Variants in FAM117B observed in about 807,000 individuals in gnomAD.
FAM117B encodes protein FAM117B.
In FAM117B, 22 loss-of-function variants were observed where a neutral mutation model predicts 52.8. The observed-to-expected ratio is 0.42, with a 90% CI of 0.30 to 0.59. FAM117B has a LOEUF of 0.59. FAM117B is among the 20% of genes least tolerant of loss of function. FAM117B has a pLI of 0.22. For missense variants in FAM117B, 678 were observed against 802.6 expected, an observed-to-expected ratio of 0.84 and a Z score of 1.88; for synonymous variants, 309 against 324.1, an observed-to-expected ratio of 0.95 and a Z score of 0.50.
At chr2:202,724,724 G>A (rs1177998698) in intron 2 of FAM117B, among the ~76,000 whole-genome samples, 193 bp from the exon 3 acceptor site, 2 of 152,066 alleles carry the variant, frequency 1.3e-5, no homozygotes, top group Non-Finnish European at 2.9e-5. Context: ...TAAAAATGAA[G>A]TATGCCAAAA....
chr2:202,648,853 C>G (rs945356497), intron 1 of FAM117B, among the ~76,000 whole-genome samples: 1 of 151,802 alleles, frequency 6.6e-6, no homozygotes, highest in African/African-American at 2.4e-5. Context: ...CCTCTGACTC[C>G]CGGGTTCAGG....
intron 1 of FAM117B, among the ~76,000 whole-genome samples, chr2:202,657,358 G>A (rs879848151): frequency 3.3e-5 from 5 of 152,162 alleles, no homozygotes; most frequent in African/African-American, 1.2e-4. Flanking sequence ...AAAGTGCTGG[G>A]ATTACAGGGG....
intron 1 of FAM117B, among the ~76,000 whole-genome samples, chr2:202,650,482 G>T (rs949030324): frequency 6.6e-6 from 1 of 152,114 alleles, no homozygotes; most frequent in African/African-American, 2.4e-5. Flanking sequence ...ATGTATTAGG[G>T]TTATCTAGAG....
intron 4 of FAM117B, among the ~76,000 whole-genome samples, chr2:202,727,541 A>T (rs987474003): frequency 6.6e-6 from 1 of 152,090 alleles, no homozygotes; most frequent in South Asian, 2.1e-4. Context: ...AATTAAAAGT[A>T]CAAATAAAAA....
chr2:202,728,777 T>G (rs986226406), intron 4 of FAM117B, among the ~76,000 whole-genome samples: 1 of 152,214 alleles, frequency 6.6e-6, no homozygotes, highest in Non-Finnish European at 1.5e-5. Flanking sequence ...AATTTTCATT[T>G]TTTTCTTCTT....
At chr2:202,715,294 G>T (rs1208066739) in intron 2 of FAM117B, among the ~76,000 whole-genome samples, 1 of 151,728 alleles carries the variant, frequency 6.6e-6, no homozygotes, top group African/African-American at 2.4e-5. Flanking sequence ...CGGCTGGCCT[G>T]GCGGGGGCTG....
intron 1 of FAM117B, among the ~76,000 whole-genome samples, chr2:202,646,485 T>C (rs969712055): frequency 6.6e-6 from 1 of 152,214 alleles, no homozygotes; most frequent in Non-Finnish European, 1.5e-5. Flanking sequence ...CTCAGTATCA[T>C]GCCTAAGGAT....
rs192169179 is a variant in FAM117B at position 202,707,100 on chromosome 2, G to T, written c.753+11068G>T. 4.7e-3 allele frequency among the ~76,000 whole-genome samples: 722 copies of T among 152,126 alleles called. 5 individuals are homozygous for T. Among genetic ancestry groups the T allele is most frequent in the African/African-American group, 0.016 (680 of 41,494 alleles). On this transcript the variant is annotated intron_variant, in intron 2 of 7. Transcript: ENST00000392238. ...TGCTTGTCACCAGCTGGAGTGCAGT[G>T]CCATGATTGTGGCTCACTGCAGCCT...
chr2:202,657,030 T>A (rs1015974832), intron 1 of FAM117B, among the ~76,000 whole-genome samples: 2 of 152,150 alleles, frequency 1.3e-5, no homozygotes, highest in African/African-American at 4.8e-5. Flanking sequence ...TTGTTGTATT[T>A]AAAGGGATGT....
At chr2:202,637,843 C>T (rs1005100517) in intron 1 of FAM117B, among the ~76,000 whole-genome samples, 1 of 150,864 alleles carries the variant, frequency 6.6e-6, no homozygotes, top group South Asian at 2.1e-4. Context: ...ATATATAGCA[C>T]ACCAAAATTA....
chr2:202,722,007 ATTTTTTT>A (rs57678317), intron 2 of FAM117B, among the ~76,000 whole-genome samples: 19 of 128,600 alleles, frequency 1.5e-4, no homozygotes, highest in Non-Finnish European at 2.6e-4. Flanking sequence ...TAAAGATACA[ATTTTTTT>A]TTTTTTTTTT....
intron 4 of FAM117B, among the ~76,000 whole-genome samples, chr2:202,741,886 A>G (rs552177709): frequency 6.6e-6 from 1 of 152,278 alleles, no homozygotes; most frequent in East Asian, 1.9e-4. Context: ...TAAAATCAAT[A>G]CCATTTATAT....
At chr2:202,744,751 A>G (rs919705619) in intron 4 of FAM117B, among the ~76,000 whole-genome samples, 1 of 151,768 alleles carries the variant, frequency 6.6e-6, no homozygotes, top group Non-Finnish European at 1.5e-5. Flanking sequence ...AGGTGGGCAG[A>G]TCACCTGAGA....
chr2:202,700,663 A>T (rs1457774854), intron 2 of FAM117B, among the ~76,000 whole-genome samples: 3 of 152,066 alleles, frequency 2.0e-5, no homozygotes, highest in African/African-American at 7.3e-5. Context: ...ATTACTGTTG[A>T]AGATGGCTAC....
intron 1 of FAM117B, among the ~76,000 whole-genome samples, chr2:202,677,287 C>T (rs953581257): frequency 6.6e-6 from 1 of 151,794 alleles, no homozygotes. Context: ...AGGATGGTCT[C>T]GATCTCCTGA....
chr2:202,767,009 C>T lies in FAM117B; in HGVS notation c.*1245C>T, dbSNP rs1183611710. The T allele has an allele frequency of 6.6e-6, 1 of 152,556 alleles. No individual in the cohort carries two copies. The highest frequency in any genetic ancestry group is 1.5e-5 in the Non-Finnish European group (1 of 68,028). 9.5% of individuals were successfully genotyped at this position (152,556 alleles called of 1,614,324 possible). A position where few individuals can be genotyped will look rare whatever the true frequency, so the allele number is the denominator to read the frequency against. On this transcript the variant is annotated 3_prime_UTR_variant, in exon 8 of 8. Coordinates refer to ENST00000392238, the MANE Select transcript of FAM117B (RefSeq NM_173511.4). ...AACGCTTCACATAGTGGGGAAAATA[C>T]ACAAGAAGAACTTGAGTATGAACGA... is the stretch of plus-strand genomic sequence containing the variant.
intron 1 of FAM117B, among the ~76,000 whole-genome samples, chr2:202,679,521 GCT>G (rs1190973969): frequency 6.6e-6 from 1 of 152,190 alleles, no homozygotes; most frequent in Admixed American, 6.5e-5. Flanking sequence ...TGACTGAGGA[GCT>G]CTATGTTAAG....
intron 1 of FAM117B, among the ~76,000 whole-genome samples, chr2:202,670,647 G>A (rs1265038360): frequency 6.6e-6 from 1 of 152,136 alleles, no homozygotes; most frequent in Non-Finnish European, 1.5e-5. Flanking sequence ...GACCATTCAA[G>A]ACTCATATTT....
intron 4 of FAM117B, among the ~76,000 whole-genome samples, chr2:202,731,843 C>T (rs1204992620): frequency 6.6e-6 from 1 of 152,080 alleles, no homozygotes; most frequent in Non-Finnish European, 1.5e-5. Flanking sequence ...TCAAGTGATT[C>T]TCCTGCCTCA....
Sources: allele counts gnomAD v4.1 joint callset (sites outside exome capture counted in the v4.1 genomes callset), GRCh38; gene constraint gnomAD v4.1.1; transcripts MANE v1.5; gene names NCBI Gene and HGNC (gene_info 2026-07-23, HGNC 2026-07-21).